Variants in ACOX1 observed in about 807,000 individuals in gnomAD.
ACOX1 encodes the protein peroxisomal acyl-coenzyme A oxidase 1.
Under a neutral mutation model 75.5 loss-of-function variants are expected in ACOX1, and 41 were observed. The ratio of observed to expected loss-of-function variants is 0.54; its 90% CI spans 0.42 to 0.70. The LOEUF is 0.70. Among genes scored for constraint, ACOX1 ranks in the 30% least tolerant of loss-of-function variants. The probability of loss-of-function intolerance (pLI) is 0.00; values close to 1 mark genes in which losing one functional copy is unlikely to be tolerated. For missense variants in ACOX1, 630 were observed against 837.5 expected (o/e 0.75, Z 3.06); for synonymous variants, 303 against 298.8 (o/e 1.01, Z -0.15).
chr17:75,967,644 ACG>A (rs1423870384), intron 2 of ACOX1, among the ~76,000 whole-genome samples: 3 of 102,176 alleles, frequency 2.9e-5, no homozygotes, highest in African/African-American at 2.0e-4. Flanking sequence ...ACATATATAT[ACG>A]TATATATATA....
rs771530929 is a variant in ACOX1, at chr17:75,948,342, A to G, written c.1844T>C (p.Val615Ala). The G allele has an allele frequency of 1.1e-5, 18 of 1,614,074 alleles. No individual in the cohort carries two copies. Among genetic ancestry groups the G allele is most frequent in the Non-Finnish European group, 1.5e-5 (18 of 1,180,044 alleles). The change falls in exon 13 of 14, where the codon GTG becomes GCG. Residue 615 changes from valine to alanine, a missense_variant. By Grantham distance (64) the Val-to-Ala change is moderately conservative. Around this residue, in one of 2 missense-constraint regions of ACOX1, gnomAD observed 240 missense variants for 262.7 expected, o/e 0.91. Coordinates refer to ENST00000293217, the MANE Select transcript of ACOX1 (RefSeq NM_004035.7). ...ALVDAFDFQD[V>A]TLGSVLGRYD... ...GCGGCCAAGCACAGAGCCAAGTGTC[A>G]CATCCTGAAAATCAAATGCATCAAC...
rs780502348 is a variant in ACOX1, at chr17:75,955,841, A to G, written c.645T>C (p.His215=). 1 of 1,614,142 alleles carries G rather than the reference A, an allele frequency of 6.2e-7. No homozygotes were observed. The highest frequency in any genetic ancestry group is 1.6e-4 in the Middle Eastern group (1 of 6,062). ...AACAGTTCTTACCTGGCAAAGGCTT[A>G]TGGGTCCCGATTTCACGAATAGGTA... ...FIVPIREIGT[H]KPLPGITVGD... is the part of the protein sequence containing the mutation. The change falls in exon 5 of 14, where the codon CAT becomes CAC. Residue 215 remains histidine (H), a synonymous_variant. Coordinates refer to ENST00000293217, the MANE Select transcript of ACOX1 (RefSeq NM_004035.7).
chr17:75,973,383 T>G, intron 2 of ACOX1: 1 of 548,582 alleles, frequency 1.8e-6, no homozygotes, highest in Non-Finnish European at 3.3e-6. Flanking sequence ...GTAAACCCCA[T>G]CTTTTCAAGC....
At position 75,941,702 on chromosome 17, in the gene ACOX1, G is replaced by A. The variant is rs917315066; in HGVS notation, c.*5046C>T. ...ACAGGACACCATTAAGCCAGGGCTG[G>A]GTAACAACATATGCTCAATGCATCT... On this transcript the variant is annotated 3_prime_UTR_variant, in exon 14 of 14. Coordinates refer to ENST00000293217, the MANE Select transcript of ACOX1 (RefSeq NM_004035.7). 7 of 152,144 alleles carry A rather than the reference G, an allele frequency of 4.6e-5. No homozygotes were observed. The highest frequency in any genetic ancestry group is 1.5e-4 in the African/African-American group (6 of 41,378). 9.4% of individuals were successfully genotyped at this position (152,144 alleles called of 1,614,324 possible). A position where few individuals can be genotyped will look rare whatever the true frequency, so the allele number is the denominator to read the frequency against.
At chr17:75,957,588 A>T in intron 3 of ACOX1, 22 bp from the exon 4 acceptor site, 1 of 1,591,874 alleles carries the variant, frequency 6.3e-7, no homozygotes, top group South Asian at 1.1e-5. Flanking sequence ...AATTACATTG[A>T]CTTCAGTTAA....
At position 75,950,836 on chromosome 17, in the gene ACOX1, G is replaced by C. The variant is rs1598175734; in HGVS notation, c.1236C>G (p.Val412=). 2.5e-6 allele frequency: 4 copies of C among 1,614,136 alleles called. No homozygotes were observed. Among genetic ancestry groups the C allele is most frequent in the Non-Finnish European group, 3.4e-6 (4 of 1,180,018 alleles). ...CAAAGGTACAGCTTGGGGTGAAATT[G>C]ACATAAATATTTGGAAGACCACTGC... ...SHCSGLPNIY[V]NFTPSCTFEG... Residue 412 remains valine, a synonymous_variant, in exon 9 of 14, where the codon GTC becomes GTG. Transcript: ENST00000293217. The surrounding 1 kb of genome is among the most constrained non-coding windows in gnomAD (Gnocchi z 4.3).
chr17:75,958,551 G>A (rs920393327), intron 3 of ACOX1, among the ~76,000 whole-genome samples: 32 of 151,200 alleles, frequency 2.1e-4, no homozygotes, highest in African/African-American at 4.2e-4. Context: ...GCTCACGCCT[G>A]TAATCCCAGC....
chr17:75,963,229 G>A (rs2065901840), intron 2 of ACOX1, among the ~76,000 whole-genome samples: 1 of 152,120 alleles, frequency 6.6e-6, no homozygotes, highest in African/African-American at 2.4e-5. Flanking sequence ...TGGGTACTAT[G>A]TTCACTATTT....
At chr17:75,948,186 G>C in intron 13 of ACOX1, 65 bp downstream of exon 13, 1 of 1,525,026 alleles carries the variant, frequency 6.6e-7, no homozygotes. Context: ...CCCTTCGAGA[G>C]GCCTTTCCTG....
At position 75,945,717 on chromosome 17, in the gene ACOX1, G is replaced by A. The variant is rs1037228184; in HGVS notation, c.*1031C>T. On this transcript the variant is annotated 3_prime_UTR_variant, in exon 14 of 14. Transcript: ENST00000293217. ...GACTGAAAACAAAGCCATACATAGA[G>A]TAAGAAATAGAACCTATGGAACTTC... 2 of 153,546 alleles carry A rather than the reference G, an allele frequency of 1.3e-5. No individual in the cohort carries two copies. Among genetic ancestry groups the A allele is most frequent in the African/African-American group, 4.8e-5 (2 of 41,390 alleles). 9.5% of individuals were successfully genotyped at this position (153,546 alleles called of 1,614,324 possible).
chr17:75,959,164 A>AT (rs2065866534), intron 3 of ACOX1, among the ~76,000 whole-genome samples: 1 of 152,238 alleles, frequency 6.6e-6, no homozygotes, highest in African/African-American at 2.4e-5. Flanking sequence ...CTTAGACCTC[A>AT]TTAAACACAC....
At chr17:75,972,986 T>C (rs1181465506) in intron 2 of ACOX1, among the ~76,000 whole-genome samples, 1 of 152,208 alleles carries the variant, frequency 6.6e-6, no homozygotes, top group Non-Finnish European at 1.5e-5. Flanking sequence ...CCAATGGCCT[T>C]GTCTATGAAA....
intron 2 of ACOX1, among the ~76,000 whole-genome samples, chr17:75,971,779 T>C (rs1379821302): frequency 6.6e-6 from 1 of 150,870 alleles, no homozygotes; most frequent in Non-Finnish European, 1.5e-5. Flanking sequence ...TATATATTTG[T>C]GATATTACTT....
chr17:75,969,972 G>A (rs538382325), intron 2 of ACOX1, among the ~76,000 whole-genome samples: 1 of 152,074 alleles, frequency 6.6e-6, no homozygotes, highest in Non-Finnish European at 1.5e-5. Flanking sequence ...ATCGCCTGAG[G>A]TCAGGAGTTC....
chr17:75,958,363 A>AAAAAAAG (rs1555617780), intron 3 of ACOX1, among the ~76,000 whole-genome samples: 4 of 147,342 alleles, frequency 2.7e-5, no homozygotes, highest in African/African-American at 1.0e-4. Context: ...AAAAAAAAAA[A>AAAAAAAG]AAAAAGAAAA....
chr17:75,963,210 G>T (rs1368062326), intron 2 of ACOX1, among the ~76,000 whole-genome samples: 1 of 152,078 alleles, frequency 6.6e-6, no homozygotes, highest in Admixed American at 6.6e-5. Flanking sequence ...GGCCTGAAAA[G>T]TTACCTACTG....
Position 75,947,969 on chromosome 17 carries a change from C to T in ACOX1, c.1935+282G>A, listed in dbSNP as rs187580920. On this transcript the variant is annotated intron_variant, in intron 13 of 13. Coordinates refer to ENST00000293217, the MANE Select transcript of ACOX1 (RefSeq NM_004035.7). ...CCTGACCTCAGGTGATCTGCCCACT[C>T]GGCCTCCCACAGTGCTGGGATTACA... is the stretch of plus-strand genomic sequence containing the variant. Among the ~76,000 whole-genome samples, 27 of 152,206 alleles carry T rather than the reference C, an allele frequency of 1.8e-4. No individual in the cohort carries two copies. The East Asian group carries it at 4.4e-3, about 25-fold the overall frequency.
At position 75,955,671 on chromosome 17, in the gene ACOX1, A is replaced by G. The variant is rs758103386; in HGVS notation, c.669T>C (p.Val223=). The change falls in exon 6 of 14, where the codon GTT becomes GTC. Residue 223 remains valine (V), a synonymous_variant. Transcript: ENST00000293217. Reference sequence around the variant, plus strand: ...AACCAAATTTGGGGCCGATGTCACCAACGGTAATTCCTACCACAGATGAAA... The same window carrying G: ...AACCAAATTTGGGGCCGATGTCACCGACGGTAATTCCTACCACAGATGAAA... ...GTHKPLPGIT[V]GDIGPKFGYD... The G allele has an allele frequency of 1.2e-6, 2 of 1,614,084 alleles. No individual in the cohort carries two copies. Among genetic ancestry groups the G allele is most frequent in the Non-Finnish European group, 1.7e-6 (2 of 1,179,916 alleles).
At position 75,943,216 on chromosome 17, in the gene ACOX1, C is replaced by CTA. The variant is rs2065689350; in HGVS notation, c.*3531_*3532insTA. On this transcript the variant is annotated 3_prime_UTR_variant, in exon 14 of 14. Transcript: ENST00000293217. ...CATTCCCGCCTGGGAGACTCCATCT[C>CTA]AAAAAAAAAAAAAAAAAAATTAACA... 9.3e-6 allele frequency: 1 copy of CTA among 107,962 alleles called. No individual in the cohort carries two copies. The highest frequency in any genetic ancestry group is 2.0e-5 in the Non-Finnish European group (1 of 51,196). 6.7% of individuals were successfully genotyped at this position (107,962 alleles called of 1,614,324 possible).
Sources: allele counts gnomAD v4.1 joint callset (sites outside exome capture counted in the v4.1 genomes callset), GRCh38; gene constraint gnomAD v4.1.1; regional missense constraint gnomAD v4.1.1; non-coding constraint Gnocchi (gnomAD v3.1); transcripts MANE v1.5; gene names NCBI Gene and HGNC (gene_info 2026-07-23, HGNC 2026-07-21).